The following CPA6 variants were observed in gnomAD, a reference collection of about 807,000 sequenced individuals.
CPA6 encodes carboxypeptidase A6.
Under a neutral mutation model 63.3 loss-of-function variants are expected in CPA6, and 58 were observed. The ratio of observed to expected loss-of-function variants is 0.92; its 90% CI spans 0.74 to 1.14. The LOEUF (loss-of-function observed/expected upper bound fraction) is 1.14. Among genes scored for constraint, CPA6 ranks in the 50% most tolerant of loss-of-function variants. The pLI is 0.00. For missense variants in CPA6, 565 were observed against 526.6 expected (o/e 1.07, Z -0.71); for synonymous variants, 185 against 179.0 (o/e 1.03, Z -0.27).
Position 67,475,757 on chromosome 8 carries a change from TTCTTTCTTTC to T in CPA6, c.838+8001_838+8010del, listed in dbSNP as rs1318596684. On this transcript the variant is annotated intron_variant, in intron 8 of 10. Coordinates refer to ENST00000297770, the MANE Select transcript of CPA6 (RefSeq NM_020361.5). ...TTTCTTTCTTTCCTTCTTTCTTTTT[TTCTTTCTTTC>T]TCTTTCTTTCTTTCTTTCTTTCTTT... Among the ~76,000 whole-genome samples the T allele has an allele frequency of 2.2e-4, 30 of 137,070 alleles. 2 individuals carry two copies. Among genetic ancestry groups the T allele is most frequent in the Middle Eastern group, 3.6e-3 (1 of 276 alleles). The allele number at this position is 137,070 out of a possible 152,430, so 89.9% of individuals were successfully genotyped here.
intron 2 of CPA6, among the ~76,000 whole-genome samples, chr8:67,554,295 G>A (rs1233888740): frequency 6.6e-6 from 1 of 152,142 alleles, no homozygotes; most frequent in Non-Finnish European, 1.5e-5. Context: ...TTACTCTGGT[G>A]GAAGGTGAAG....
intron 1 of CPA6, among the ~76,000 whole-genome samples, chr8:67,665,001 G>A (rs1816196077): frequency 6.6e-6 from 1 of 152,080 alleles, no homozygotes; most frequent in Non-Finnish European, 1.5e-5. Context: ...AGAAAGCAAT[G>A]GTTACAGTAA....
intron 1 of CPA6, among the ~76,000 whole-genome samples, chr8:67,677,571 ATC>A (rs1336133461): frequency 1.3e-5 from 2 of 151,764 alleles, no homozygotes; most frequent in Admixed American, 6.6e-5. Flanking sequence ...CAGGCTGCAC[ATC>A]TCTCTCTCTC....
intron 5 of CPA6, among the ~76,000 whole-genome samples, chr8:67,509,098 A>G (rs1008748785): frequency 1.3e-5 from 2 of 152,098 alleles, no homozygotes; most frequent in African/African-American, 4.8e-5. Context: ...AGAACTCACT[A>G]TCACAAGAAC....
intron 2 of CPA6, among the ~76,000 whole-genome samples, chr8:67,554,089 G>A (rs918703390): frequency 6.6e-6 from 1 of 152,164 alleles, no homozygotes; most frequent in African/African-American, 2.4e-5. Context: ...AGCATATAGA[G>A]AGACACATGA....
intron 1 of CPA6, among the ~76,000 whole-genome samples, chr8:67,644,183 ATT>A (rs1815660706): frequency 6.7e-6 from 1 of 150,012 alleles, no homozygotes; most frequent in Admixed American, 6.7e-5. Flanking sequence ...CAGTGGCGCC[ATT>A]TCGGCTCACT....
intron 1 of CPA6, among the ~76,000 whole-genome samples, chr8:67,714,378 T>C (rs987566393): frequency 4.4e-4 from 67 of 152,304 alleles, no homozygotes; most frequent in African/African-American, 1.6e-3. Flanking sequence ...TCCCCAAAGA[T>C]CTTAGGGTAT....
intron 8 of CPA6, among the ~76,000 whole-genome samples, chr8:67,446,030 C>T (rs764083797): frequency 2.6e-5 from 4 of 152,036 alleles, no homozygotes; most frequent in African/African-American, 4.8e-5. Context: ...TTTGGGAGGC[C>T]GGGGCGGGCG....
At chr8:67,514,639 T>G (rs147459584) in intron 3 of CPA6, among the ~76,000 whole-genome samples, 1,730 of 152,340 alleles carry the variant, frequency 0.011, 38 homozygotes, top group African/African-American at 0.04. Context: ...CTTTATTCTC[T>G]GTGACATAAA....
chr8:67,661,659 C>T (rs1816112415), intron 1 of CPA6, among the ~76,000 whole-genome samples: 1 of 152,138 alleles, frequency 6.6e-6, no homozygotes, highest in Non-Finnish European at 1.5e-5. Flanking sequence ...GGGGTAAAAG[C>T]TAGAAGAGTC....
rs1554667119 is a variant in CPA6, at chr8:67,483,830, C to T, written c.776G>A (p.Arg259Lys). ...TCCACGGCAGCGAAACCTTGAGTTC[C>T]TTGACCTTGTTTTTCTCCAAAATCG... Reference protein sequence around the residue: ...NDRFWRKTRSRNSRFRCRGVD... With the variant: ...NDRFWRKTRSKNSRFRCRGVD... The change falls in exon 8 of 11, where the codon AGG becomes AAG. Residue 259 changes from arginine (R) to lysine (K), a missense_variant. Physicochemically the swap from Arg to Lys is conservative, Grantham distance 26 (BLOSUM62 2). Coordinates refer to ENST00000297770, the MANE Select transcript of CPA6 (RefSeq NM_020361.5). 9.9e-6 allele frequency: 16 copies of T among 1,614,062 alleles called. No individual in the cohort carries two copies. The South Asian group carries it at 1.6e-4, about 17-fold the overall frequency.
At chr8:67,500,846 G>A (rs1012423641) in intron 6 of CPA6, among the ~76,000 whole-genome samples, 4 of 150,146 alleles carry the variant, frequency 2.7e-5, no homozygotes, top group African/African-American at 7.4e-5. Context: ...AATTGGTTTT[G>A]CATTTTTGTC....
chr8:67,560,375 T>C (rs886083396), intron 2 of CPA6, among the ~76,000 whole-genome samples: 2 of 152,062 alleles, frequency 1.3e-5, no homozygotes, highest in African/African-American at 4.8e-5. Flanking sequence ...AAACTTCCTA[T>C]CCTTTAGTAC....
intron 8 of CPA6, among the ~76,000 whole-genome samples, chr8:67,463,440 T>A (rs1468942516): frequency 6.7e-6 from 1 of 149,356 alleles, no homozygotes; most frequent in Admixed American, 6.6e-5. Flanking sequence ...TGAAACTCAC[T>A]CTCTCTCTCA....
chr8:67,670,364 G>T (rs1293175689), intron 1 of CPA6, among the ~76,000 whole-genome samples: 2 of 152,064 alleles, frequency 1.3e-5, no homozygotes, highest in Non-Finnish European at 2.9e-5. Flanking sequence ...ACCAGATCTC[G>T]TGAGCACTTA....
chr8:67,603,185 C>T (rs943312194), intron 2 of CPA6, among the ~76,000 whole-genome samples: 1 of 152,136 alleles, frequency 6.6e-6, no homozygotes, highest in Admixed American at 6.5e-5. Context: ...CTATATAGTA[C>T]AAGAATTATA....
At chr8:67,559,870 T>TACAC (rs1554674455) in intron 2 of CPA6, among the ~76,000 whole-genome samples, 3,151 of 146,824 alleles carry the variant, frequency 0.021, 115 homozygotes, top group African/African-American at 0.068. Flanking sequence ...TATATATGTA[T>TACAC]ACACACACAC....
intron 2 of CPA6, among the ~76,000 whole-genome samples, chr8:67,615,869 C>T (rs1040813614): frequency 6.6e-6 from 1 of 152,182 alleles, no homozygotes; most frequent in African/African-American, 2.4e-5. Flanking sequence ...GTGCTGTTCA[C>T]TAGGTGGTCA....
chr8:67,545,698 G>A (rs1241179457), intron 2 of CPA6, among the ~76,000 whole-genome samples: 1 of 151,482 alleles, frequency 6.6e-6, no homozygotes, highest in Non-Finnish European at 1.5e-5. Flanking sequence ...AAGTAGCTGG[G>A]AGAACAGGCA....
Sources: gnomAD v4.1 joint callset for allele counts (sites outside exome capture counted in the v4.1 genomes callset) on GRCh38, gnomAD v4.1.1 for gene constraint, MANE v1.5 for transcripts, NCBI Gene and HGNC (gene_info 2026-07-23, HGNC 2026-07-21) for gene names.